The following RPS6KC1 variants were observed in gnomAD, a reference collection of about 807,000 sequenced individuals.
RPS6KC1 encodes the protein inactive ribosomal protein S6 kinase delta-1.
A neutral mutation model predicts 103.8 loss-of-function variants in RPS6KC1; 54 were observed. The ratio of observed to expected loss-of-function variants is 0.52; its 90% CI spans 0.42 to 0.65. The LOEUF (loss-of-function observed/expected upper bound fraction) is 0.65, where lower values mean the gene tolerates loss of function less well. Among genes scored for constraint, RPS6KC1 ranks in the 30% least tolerant of loss-of-function variants. The pLI is 0.00. For missense variants in RPS6KC1, 1,151 were observed against 1,253.8 expected, an observed-to-expected ratio of 0.92 and a Z score of 1.24; for synonymous variants, 439 against 438.7, an observed-to-expected ratio of 1.00 and a Z score of -0.01.
the RPS6KC1 span, among the ~76,000 whole-genome samples, chr1:213,743,886 G>A: frequency 6.6e-6 from 1 of 152,262 alleles, no homozygotes; most frequent in Admixed American, 6.5e-5. Flanking sequence ...GGTGTCCCCT[G>A]CAAACTATAT....
intron 1 of RPS6KC1, among the ~76,000 whole-genome samples, chr1:213,058,119 A>G (rs578194582): frequency 5.9e-5 from 8 of 134,798 alleles, no homozygotes; most frequent in African/African-American, 2.3e-4. Flanking sequence ...CCAGGGCTGG[A>G]ATGCAGTGCT....
At position 213,206,520 on chromosome 1, in the gene RPS6KC1, C is replaced by T. The variant is rs1185204297; in HGVS notation, c.1045-23977C>T. Among the ~76,000 whole-genome samples, 3 of 152,026 alleles carry T rather than the reference C, an allele frequency of 2.0e-5. No individual in the cohort carries two copies. In the South Asian group the frequency reaches 6.2e-4, roughly 32 times the overall value. Reference sequence around the variant, plus strand: ...AAGTTGTAAAGCAGCACAGAAGAGGCCATAAAAAAGCATGAAAAAAGACAG... The same window carrying T: ...AAGTTGTAAAGCAGCACAGAAGAGGTCATAAAAAAGCATGAAAAAAGACAG... On this transcript the variant is annotated intron_variant, in intron 8 of 14. Transcript: ENST00000366960.
At chr1:213,117,830 C>T (rs961048139) in intron 5 of RPS6KC1, among the ~76,000 whole-genome samples, 8 of 151,084 alleles carry the variant, frequency 5.3e-5, no homozygotes, top group Non-Finnish European at 1.0e-4. Context: ...TGAGACCAGC[C>T]GAGCCAACGT....
the RPS6KC1 span, among the ~76,000 whole-genome samples, chr1:213,768,188 A>G: frequency 6.6e-6 from 1 of 152,186 alleles, no homozygotes; most frequent in African/African-American, 2.4e-5. Flanking sequence ...GACTGTGAGT[A>G]TGATCCAGCG....
intron 12 of RPS6KC1, among the ~76,000 whole-genome samples, chr1:213,260,718 A>G (rs934584965): frequency 2.0e-5 from 3 of 147,994 alleles, no homozygotes; most frequent in Admixed American, 6.8e-5. Context: ...ATTTAATGCC[A>G]TTAGGAAAGC....
chr1:213,512,274 C>T, the RPS6KC1 span, among the ~76,000 whole-genome samples: 2 of 152,268 alleles, frequency 1.3e-5, no homozygotes, highest in East Asian at 3.9e-4. Flanking sequence ...AAAGGAAGAT[C>T]CTGGCAAGGA....
the RPS6KC1 span, among the ~76,000 whole-genome samples, chr1:213,829,267 TCAAAAAAAAA>T: frequency 6.2e-5 from 1 of 16,208 alleles, no homozygotes; most frequent in African/African-American, 2.4e-4. Context: ...CTCGTTTGTT[TCAAAAAAAAA>T]AAAAAAAAAA....
At chr1:213,623,816 C>T in the RPS6KC1 span, among the ~76,000 whole-genome samples, 1 of 152,166 alleles carries the variant, frequency 6.6e-6, no homozygotes, top group Admixed American at 6.5e-5. Flanking sequence ...AGACTGCTAG[C>T]AACACATCCG....
intron 8 of RPS6KC1, among the ~76,000 whole-genome samples, chr1:213,196,925 C>T (rs1045060774): frequency 1.3e-5 from 2 of 152,272 alleles, no homozygotes; most frequent in African/African-American, 4.8e-5. Context: ...CAACCTCCGC[C>T]TCCTGGGTTC....
At chr1:213,854,562 T>TTCTTTCTTTCTTTCTTTCTTTC in the RPS6KC1 span, among the ~76,000 whole-genome samples, 15 of 122,606 alleles carry the variant, frequency 1.2e-4, no homozygotes, top group African/African-American at 5.2e-4. Flanking sequence ...CTTTCTTTCT[T>TTCTTTCTTTCTTTCTTTCTTTC]TCTCTCTCTC....
chr1:213,446,276 A>T, the RPS6KC1 span, among the ~76,000 whole-genome samples: 1 of 152,088 alleles, frequency 6.6e-6, no homozygotes, highest in East Asian at 1.9e-4. Flanking sequence ...CACACCCCAG[A>T]TTTCTCTTTT....
At chr1:213,847,214 C>T in the RPS6KC1 span, among the ~76,000 whole-genome samples, 1 of 152,210 alleles carries the variant, frequency 6.6e-6, no homozygotes, top group African/African-American at 2.4e-5. Context: ...TCCAACCTCA[C>T]ATCCCACTTA....
chr1:213,703,035 T>C, the RPS6KC1 span, among the ~76,000 whole-genome samples: 2 of 152,134 alleles, frequency 1.3e-5, no homozygotes, highest in Non-Finnish European at 2.9e-5. Context: ...GTCTTCCTTT[T>C]AGTACAAGTG....
At chr1:213,559,991 C>T in the RPS6KC1 span, among the ~76,000 whole-genome samples, 1 of 151,900 alleles carries the variant, frequency 6.6e-6, no homozygotes, top group Non-Finnish European at 1.5e-5. Context: ...TAGTATTTCA[C>T]GGATGCTGAC....
chr1:213,117,825 C>CCT (rs766554882), intron 5 of RPS6KC1, among the ~76,000 whole-genome samples: 4 of 151,382 alleles, frequency 2.6e-5, no homozygotes, highest in Non-Finnish European at 5.9e-5. Flanking sequence ...GAGTTTGAGA[C>CCT]CAGCCGAGCC....
At chr1:213,563,972 C>CTTTTTTTTT in the RPS6KC1 span, among the ~76,000 whole-genome samples, 1 of 134,398 alleles carries the variant, frequency 7.4e-6, no homozygotes, top group Non-Finnish European at 1.6e-5. Context: ...TTGCTTACCT[C>CTTTTTTTTT]TTTTTTTTTT....
At chr1:213,720,306 G>C in the RPS6KC1 span, among the ~76,000 whole-genome samples, 5 of 152,334 alleles carry the variant, frequency 3.3e-5, no homozygotes, top group African/African-American at 9.6e-5. Context: ...CATTAGAATT[G>C]ACGCACTCAA....
At chr1:213,742,554 C>T in the RPS6KC1 span, among the ~76,000 whole-genome samples, 2 of 152,236 alleles carry the variant, frequency 1.3e-5, no homozygotes, top group Non-Finnish European at 2.9e-5. Context: ...TAAAAACTTA[C>T]AGGTCTTTTC....
the RPS6KC1 span, among the ~76,000 whole-genome samples, chr1:213,738,622 G>A: frequency 1.3e-5 from 2 of 151,936 alleles, no homozygotes; most frequent in Non-Finnish European, 2.9e-5. Context: ...TAGAGAATAT[G>A]TTGTCTTTAT....
Sources: allele counts gnomAD v4.1 joint callset (sites outside exome capture counted in the v4.1 genomes callset), GRCh38; gene constraint gnomAD v4.1.1; transcripts MANE v1.5; gene names NCBI Gene and HGNC (gene_info 2026-07-23, HGNC 2026-07-21).